Variants in M1AP observed in about 807,000 individuals in gnomAD.
M1AP encodes meiosis 1 arrest protein.
M1AP carries 39 observed loss-of-function variants against 51.2 expected under a neutral mutation model. The observed-to-expected ratio is 0.76, with a 90% CI of 0.59 to 1.00. M1AP has a LOEUF of 1.00. Among genes scored for constraint, M1AP ranks in the 50% least tolerant of loss-of-function variants. The pLI is 0.00. For missense variants in M1AP, 545 were observed against 641.2 expected, an observed-to-expected ratio of 0.85 and a Z score of 1.62; for synonymous variants, 251 against 249.2, an observed-to-expected ratio of 1.01 and a Z score of -0.07.
At chr2:74,578,789 A>G (rs1679238272) in intron 5 of M1AP, among the ~76,000 whole-genome samples, 1 of 152,216 alleles carries the variant, frequency 6.6e-6, no homozygotes. Flanking sequence ...AAGGAGTCAG[A>G]GTGAACATCT....
At chr2:74,620,926 C>G (rs1168593670) in intron 2 of M1AP, 1 of 177,842 alleles carries the variant, frequency 5.6e-6, no homozygotes, top group Non-Finnish European at 1.3e-5. Context: ...AACAGCTTCT[C>G]CTTCAAATCC....
Position 74,582,710 on chromosome 2 carries a change from G to T in M1AP, c.596-863C>A, listed in dbSNP as rs1679482981. On this transcript the variant is annotated intron_variant, in intron 4 of 10. Coordinates refer to ENST00000421985, the MANE Select transcript of M1AP (RefSeq NM_001321739.2). ...ATACTGTTTGAATTTTATTGGAGTTGTGCATTTCTTGTGTTAAAAAAAATT... is the reference window on the plus strand; with the variant it reads ...ATACTGTTTGAATTTTATTGGAGTTTTGCATTTCTTGTGTTAAAAAAAATT... Among the ~76,000 whole-genome samples the T allele has an allele frequency of 2.0e-5, 3 of 152,166 alleles. No individual in the cohort carries two copies. In the South Asian group the frequency reaches 6.2e-4, roughly 32 times the overall value.
intron 2 of M1AP, among the ~76,000 whole-genome samples, chr2:74,633,505 T>C (rs1365250550): frequency 1.3e-5 from 2 of 152,104 alleles, no homozygotes; most frequent in Non-Finnish European, 1.5e-5. Context: ...ACCCCTGATG[T>C]TTCCTCTTAG....
chr2:74,564,536 C>T (rs773990048), intron 7 of M1AP, among the ~76,000 whole-genome samples: 3 of 152,168 alleles, frequency 2.0e-5, no homozygotes, highest in Non-Finnish European at 4.4e-5. Flanking sequence ...TTATCAGGCA[C>T]CAGGTACTGT....
intron 2 of M1AP, among the ~76,000 whole-genome samples, chr2:74,637,229 A>C (rs182853033): frequency 2.0e-5 from 3 of 152,318 alleles, no homozygotes; most frequent in African/African-American, 7.2e-5. Flanking sequence ...CTAATCTGCC[A>C]ATAATTCCAT....
At chr2:74,593,477 C>T (rs562923106) in intron 4 of M1AP, among the ~76,000 whole-genome samples, 121 of 152,268 alleles carry the variant, frequency 7.9e-4, no homozygotes, top group Non-Finnish European at 1.3e-3. Context: ...ACCTTCCAGA[C>T]TCAAGTGATT....
chr2:74,611,824 C>T (rs890349630), intron 3 of M1AP, among the ~76,000 whole-genome samples: 5 of 148,580 alleles, frequency 3.4e-5, no homozygotes, highest in African/African-American at 7.5e-5. Flanking sequence ...AAGAGCAAAA[C>T]TCCATCTCAA....
chr2:74,634,403 T>A (rs371072772), intron 2 of M1AP, among the ~76,000 whole-genome samples: 1 of 152,162 alleles, frequency 6.6e-6, no homozygotes, highest in Non-Finnish European at 1.5e-5. Context: ...AAGGGAACCA[T>A]GGTGGTTTTA....
At chr2:74,643,461 A>G (rs1227288521) in intron 1 of M1AP, among the ~76,000 whole-genome samples, 1 of 152,220 alleles carries the variant, frequency 6.6e-6, no homozygotes, top group Non-Finnish European at 1.5e-5. Context: ...ATACACAGTG[A>G]TAAAATTATA....
At chr2:74,604,318 T>C (rs1277239041) in intron 4 of M1AP, among the ~76,000 whole-genome samples, 2 of 152,182 alleles carry the variant, frequency 1.3e-5, no homozygotes, top group Non-Finnish European at 2.9e-5. Context: ...TAATTCCTAC[T>C]TGTCTTCCAA....
intron 4 of M1AP, among the ~76,000 whole-genome samples, chr2:74,584,177 G>A (rs1480193965): frequency 1.3e-5 from 2 of 152,108 alleles, no homozygotes; most frequent in Non-Finnish European, 2.9e-5. Context: ...TTTTGTCACA[G>A]GCAAAACAAG....
At chr2:74,566,461 G>GA (rs1217883697) in intron 7 of M1AP, among the ~76,000 whole-genome samples, 6 of 152,108 alleles carry the variant, frequency 3.9e-5, no homozygotes, top group African/African-American at 1.4e-4. Context: ...AGAACAGCAT[G>GA]AAAAAAGGTG....
intron 3 of M1AP, among the ~76,000 whole-genome samples, chr2:74,614,461 A>G (rs1681547914): frequency 6.6e-6 from 1 of 152,156 alleles, no homozygotes; most frequent in Admixed American, 6.5e-5. Context: ...TCATGTACCC[A>G]ATGGAGTATC....
At chr2:74,634,077 A>T (rs1224278700) in intron 2 of M1AP, among the ~76,000 whole-genome samples, 3 of 152,232 alleles carry the variant, frequency 2.0e-5, no homozygotes, top group Non-Finnish European at 4.4e-5. Flanking sequence ...TTGAATACAC[A>T]CATCAATAAG....
chr2:74,624,397 A>G (rs969172654), intron 2 of M1AP, among the ~76,000 whole-genome samples: 5 of 152,212 alleles, frequency 3.3e-5, no homozygotes, highest in African/African-American at 1.2e-4. Context: ...CAAGAATTCT[A>G]TTTCTGGGCT....
chr2:74,560,146 G>A lies in M1AP; in HGVS notation c.1422+5C>T, dbSNP rs151062886. The A allele has an allele frequency of 9.4e-4, 1,518 of 1,613,390 alleles. 13 individuals carry two copies. In the African/African-American group the frequency reaches 0.013, roughly 14 times the overall value. ...AGGAAGAGGAGGGAAGGAGGGGAGC[G>A]GTACCTTTCTCGGAGCTCGGCTCTC... On this transcript the variant is annotated splice_donor_5th_base_variant and intron_variant, in intron 9 of 10. Coordinates refer to ENST00000421985, the MANE Select transcript of M1AP (RefSeq NM_001321739.2).
chr2:74,630,681 C>T (rs530318797), intron 2 of M1AP, among the ~76,000 whole-genome samples: 1 of 152,188 alleles, frequency 6.6e-6, no homozygotes, highest in South Asian at 2.1e-4. Context: ...TTTATGGCTG[C>T]ATAGTATTCC....
At chr2:74,600,989 ATTTG>A (rs1271005190) in intron 4 of M1AP, among the ~76,000 whole-genome samples, 1 of 152,118 alleles carries the variant, frequency 6.6e-6, no homozygotes, top group African/African-American at 2.4e-5. Flanking sequence ...GATGACATTT[ATTTG>A]TTTGTGCCAG....
intron 2 of M1AP, chr2:74,615,513 A>T (rs1681615831): frequency 4.5e-6 from 1 of 221,526 alleles, no homozygotes; most frequent in Non-Finnish European, 9.1e-6. Flanking sequence ...CATCATCTTC[A>T]TTTCTTAGTC....
Sources: gnomAD v4.1 joint callset for allele counts (sites outside exome capture counted in the v4.1 genomes callset) on GRCh38, gnomAD v4.1.1 for gene constraint, MANE v1.5 for transcripts, NCBI Gene and HGNC (gene_info 2026-07-23, HGNC 2026-07-21) for gene names.